The following GRIN2B variants were observed in gnomAD, a reference collection of about 807,000 sequenced individuals.
GRIN2B encodes the protein glutamate ionotropic receptor NMDA type subunit 2B.
Under a neutral mutation model 114.5 loss-of-function variants are expected in GRIN2B, and 5 were observed. The ratio of observed to expected loss-of-function variants is 0.04; its 90% CI spans 0.02 to 0.09. GRIN2B has a LOEUF of 0.09. Among genes scored for constraint, GRIN2B ranks in the 10% least tolerant of loss-of-function variants. GRIN2B has a pLI of 1.00. For missense variants in GRIN2B, 1,108 were observed against 1,943.5 expected, an observed-to-expected ratio of 0.57 and a Z score of 8.08; for synonymous variants, 787 against 745.1, an observed-to-expected ratio of 1.06 and a Z score of -0.92.
intron 2 of GRIN2B, among the ~76,000 whole-genome samples, chr12:13,937,556 GAA>G (rs1867152316): frequency 6.6e-6 from 1 of 151,958 alleles, no homozygotes; most frequent in Non-Finnish European, 1.5e-5. Context: ...AATAATGAGA[GAA>G]AAGTAAAAGC....
intron 4 of GRIN2B, among the ~76,000 whole-genome samples, chr12:13,717,066 C>CGTGCGTGT (rs1950461606): frequency 1.4e-5 from 2 of 145,922 alleles, no homozygotes; most frequent in Middle Eastern, 3.3e-3. Flanking sequence ...ATGCCATACG[C>CGTGCGTGT]GTGTGTGTGT....
chr12:13,551,659 G>C lies in GRIN2B; in HGVS notation c.*11124C>G, dbSNP rs556282126. 3 of 152,312 alleles carry C rather than the reference G, an allele frequency of 2.0e-5. No individual in the cohort carries two copies. The highest frequency in any genetic ancestry group is 4.1e-4 in the South Asian group (2 of 4,826). 9.4% of individuals were successfully genotyped at this position (152,312 alleles called of 1,614,324 possible). ...TTGGATCTATTTGTTAAGATTGTGT[G>C]TGTGCATTAGGGAGGTACATAGGCA... On this transcript the variant is annotated 3_prime_UTR_variant, in exon 14 of 14. Coordinates refer to ENST00000609686, the MANE Select transcript of GRIN2B (RefSeq NM_000834.5).
chr12:13,892,710 T>G (rs2136778183), intron 2 of GRIN2B, among the ~76,000 whole-genome samples: 1 of 152,304 alleles, frequency 6.6e-6, no homozygotes, highest in South Asian at 2.1e-4. Context: ...CTTTGTGGTA[T>G]ATGAGAATAA....
At chr12:13,681,771 C>T (rs560461704) in intron 4 of GRIN2B, among the ~76,000 whole-genome samples, 1 of 152,238 alleles carries the variant, frequency 6.6e-6, no homozygotes, top group East Asian at 1.9e-4. Context: ...AAAGATTACT[C>T]TAGTGAAGCA....
chr12:13,959,084 G>T (rs1197091141), intron 2 of GRIN2B, among the ~76,000 whole-genome samples: 1 of 152,200 alleles, frequency 6.6e-6, no homozygotes, highest in Admixed American at 6.5e-5. Flanking sequence ...ATAAATACTT[G>T]TGACCAAAAT....
chr12:13,764,660 C>T (rs978519393), intron 3 of GRIN2B, among the ~76,000 whole-genome samples: 1 of 152,216 alleles, frequency 6.6e-6, no homozygotes, highest in African/African-American at 2.4e-5. Flanking sequence ...GGTCTATTTA[C>T]TCATTTTTAT....
chr12:13,730,189 A>G (rs947575797), intron 4 of GRIN2B, among the ~76,000 whole-genome samples: 3 of 152,192 alleles, frequency 2.0e-5, no homozygotes, highest in Admixed American at 6.5e-5. Flanking sequence ...CAGATTTCAT[A>G]TAGATTTATG....
chr12:13,763,497 C>G (rs779209488), intron 3 of GRIN2B, among the ~76,000 whole-genome samples: 1 of 152,202 alleles, frequency 6.6e-6, no homozygotes, highest in Non-Finnish European at 1.5e-5. Flanking sequence ...GAGAAGCTGC[C>G]TAAATCCTTG....
chr12:13,790,603 T>A (rs150849812), intron 3 of GRIN2B, among the ~76,000 whole-genome samples: 1 of 152,216 alleles, frequency 6.6e-6, no homozygotes, highest in Non-Finnish European at 1.5e-5. Flanking sequence ...TTTGGGGTAA[T>A]TGCATTTTAT....
intron 3 of GRIN2B, among the ~76,000 whole-genome samples, chr12:13,779,184 CA>C (rs1274578757): frequency 6.6e-6 from 1 of 152,192 alleles, no homozygotes; most frequent in Non-Finnish European, 1.5e-5. Flanking sequence ...GCTGGGATTA[CA>C]GGTGTGCACC....
chr12:13,923,084 A>G (rs547263151), intron 2 of GRIN2B, among the ~76,000 whole-genome samples: 1 of 152,052 alleles, frequency 6.6e-6, no homozygotes, highest in African/African-American at 2.4e-5. Flanking sequence ...AATCTAATAT[A>G]CTTCTTTTTT....
intron 2 of GRIN2B, among the ~76,000 whole-genome samples, chr12:13,953,801 T>A (rs1867538371): frequency 6.6e-6 from 1 of 152,238 alleles, no homozygotes; most frequent in African/African-American, 2.4e-5. Flanking sequence ...GATCTGGGGT[T>A]GCACATGGGG....
chr12:13,915,780 C>T (rs1565585375), intron 2 of GRIN2B, among the ~76,000 whole-genome samples: 1 of 152,150 alleles, frequency 6.6e-6, no homozygotes, highest in Non-Finnish European at 1.5e-5. Context: ...CTCTTCCAGA[C>T]AAGACATCTG....
chr12:13,756,572 G>T (rs1863580423), intron 3 of GRIN2B, among the ~76,000 whole-genome samples: 1 of 152,190 alleles, frequency 6.6e-6, no homozygotes, highest in Non-Finnish European at 1.5e-5. Flanking sequence ...TATCACATGA[G>T]CTTCCACAAG....
chr12:13,935,716 T>C (rs1867115818), intron 2 of GRIN2B, among the ~76,000 whole-genome samples: 1 of 152,186 alleles, frequency 6.6e-6, no homozygotes, highest in Admixed American at 6.5e-5. Flanking sequence ...AAAGTAAATA[T>C]TCAATAAATG....
chr12:13,909,281 A>T (rs965585196), intron 2 of GRIN2B, among the ~76,000 whole-genome samples: 1 of 152,250 alleles, frequency 6.6e-6, no homozygotes, highest in Non-Finnish European at 1.5e-5. Context: ...TAACCGCAGC[A>T]AAGAAAGATG....
chr12:13,863,020 A>G (rs1339807095), intron 3 of GRIN2B, among the ~76,000 whole-genome samples: 1 of 152,216 alleles, frequency 6.6e-6, no homozygotes, highest in Non-Finnish European at 1.5e-5. Context: ...CTATTTTAGA[A>G]AAGCATCTAA....
chr12:13,576,085 AG>A (rs749386667), intron 10 of GRIN2B, among the ~76,000 whole-genome samples: 1 of 152,214 alleles, frequency 6.6e-6, no homozygotes, highest in Non-Finnish European at 1.5e-5. Context: ...AATTAGCCAA[AG>A]CAGTGAGTTT....
chr12:13,821,158 G>A (rs1232420005), intron 3 of GRIN2B, among the ~76,000 whole-genome samples: 1 of 151,644 alleles, frequency 6.6e-6, no homozygotes, highest in Admixed American at 6.6e-5. Context: ...CTCTCTTCCC[G>A]CTCTGTCCCC....
Sources: gnomAD v4.1 joint callset for allele counts (sites outside exome capture counted in the v4.1 genomes callset) on GRCh38, gnomAD v4.1.1 for gene constraint, MANE v1.5 for transcripts, NCBI Gene and HGNC (gene_info 2026-07-23, HGNC 2026-07-21) for gene names.